The following PALM2AKAP2 variants were observed in gnomAD, a reference collection of about 807,000 sequenced individuals.
The protein encoded by PALM2AKAP2 is PALM2 and AKAP2 fusion.
A neutral mutation model predicts 71.5 loss-of-function variants in PALM2AKAP2; 37 were observed. That is an observed-to-expected ratio of 0.52 (90% CI 0.40 to 0.68). The LOEUF is 0.68. Among genes scored for constraint, PALM2AKAP2 ranks in the 30% least tolerant of loss-of-function variants. The pLI, the probability that PALM2AKAP2 is intolerant of heterozygous loss-of-function variation, is 0.00. For synonymous variants in PALM2AKAP2, 468 were observed against 478.8 expected, an observed-to-expected ratio of 0.98 and a Z score of 0.29; for missense variants, 1,224 against 1,191.8, an observed-to-expected ratio of 1.03 and a Z score of -0.40.
chr9:110,136,106 T>G, intron 1 of PALM2AKAP2, 21 bp from the exon 8 acceptor site: 1 of 1,538,856 alleles, frequency 6.5e-7, no homozygotes, highest in South Asian at 1.3e-5. Flanking sequence ...AACCCTGACT[T>G]TTGTTTACTC....
At chr9:109,661,833 T>C (rs1367051093) in intron 1 of PALM2AKAP2, among the ~76,000 whole-genome samples, 1 of 152,212 alleles carries the variant, frequency 6.6e-6, no homozygotes, top group Non-Finnish European at 1.5e-5. Context: ...GTGTCCTGTT[T>C]TATTTTGTTG....
At chr9:110,006,002 G>A (rs952235014) in intron 6 of PALM2AKAP2, among the ~76,000 whole-genome samples, 7 of 152,040 alleles carry the variant, frequency 4.6e-5, no homozygotes, top group African/African-American at 4.8e-5. Context: ...ACCCTGCTTC[G>A]GCTCATGCTT....
chr9:109,665,819 G>A (rs1272818731), intron 1 of PALM2AKAP2, among the ~76,000 whole-genome samples: 1 of 152,198 alleles, frequency 6.6e-6, no homozygotes, highest in East Asian at 1.9e-4. Flanking sequence ...GAGACAGTAG[G>A]CCTTGTTGAG....
intron 6 of PALM2AKAP2, among the ~76,000 whole-genome samples, chr9:110,006,476 T>C (rs1446382306): frequency 1.3e-5 from 2 of 152,048 alleles, no homozygotes; most frequent in African/African-American, 2.4e-5. Context: ...TGCCTCAGCC[T>C]CCCAAGTAGC....
At chr9:109,661,087 C>T (rs1419202717) in intron 1 of PALM2AKAP2, among the ~76,000 whole-genome samples, 1 of 152,134 alleles carries the variant, frequency 6.6e-6, no homozygotes, top group Non-Finnish European at 1.5e-5. Context: ...GGGTAGATTG[C>T]AAAAATTTTC....
At chr9:110,165,481 T>A (rs1437970821) in intron 3 of PALM2AKAP2, among the ~76,000 whole-genome samples, 1 of 152,190 alleles carries the variant, frequency 6.6e-6, no homozygotes, top group Non-Finnish European at 1.5e-5. Flanking sequence ...TGCCAGGTAT[T>A]TCAGTAAGGA....
chr9:109,943,537 C>A, intron 6 of PALM2AKAP2: 1 of 1,417,324 alleles, frequency 7.1e-7, no homozygotes, highest in Non-Finnish European at 9.4e-7. Flanking sequence ...ACCTGCCTTG[C>A]CTTGCAGTTG....
At chr9:110,136,322 T>G in exon 2 of PALM2AKAP2, 1 of 1,614,164 alleles carries the variant, frequency 6.2e-7, no homozygotes, top group Non-Finnish European at 8.5e-7. Flanking sequence ...TCCCTCCGCT[T>G]TCTATTCACC....
At chr9:110,015,156 A>G (rs1832956321) in intron 6 of PALM2AKAP2, among the ~76,000 whole-genome samples, 3 of 152,170 alleles carry the variant, frequency 2.0e-5, no homozygotes, top group Non-Finnish European at 4.4e-5. Context: ...ACACATTCTT[A>G]GTTATTTCCA....
chr9:109,706,101 C>T (rs1466176887), intron 1 of PALM2AKAP2, among the ~76,000 whole-genome samples: 3 of 152,244 alleles, frequency 2.0e-5, no homozygotes, highest in African/African-American at 2.4e-5. Flanking sequence ...GAGATAGAAA[C>T]ATTTAACTGG....
exon 2 of PALM2AKAP2, chr9:110,138,364 C>A (rs746539180): frequency 8.1e-6 from 13 of 1,614,194 alleles, no homozygotes; most frequent in Non-Finnish European, 5.9e-6. Flanking sequence ...TTGGGCCTTT[C>A]AAGCTGAGGT....
At chr9:110,053,543 A>AAAAAAGAAAAAAAGAAAGAAAGAAAG (rs1833760053) in intron 1 of PALM2AKAP2, among the ~76,000 whole-genome samples, 1 of 150,726 alleles carries the variant, frequency 6.6e-6, no homozygotes, top group African/African-American at 2.4e-5. Flanking sequence ...AAAAAAAAAA[A>AAAAAAGAAAAAAAGAAAGAAAGAAAG]AAAAAGAAAA....
At chr9:109,728,143 T>C (rs1009418730) in intron 1 of PALM2AKAP2, among the ~76,000 whole-genome samples, 6 of 152,260 alleles carry the variant, frequency 3.9e-5, no homozygotes, top group African/African-American at 1.4e-4. Flanking sequence ...TCTTGCAGAT[T>C]GGATAGCTTA....
intron 6 of PALM2AKAP2, among the ~76,000 whole-genome samples, chr9:110,008,412 CA>C (rs1448334802): frequency 6.6e-6 from 1 of 150,662 alleles, no homozygotes; most frequent in Non-Finnish European, 1.5e-5. Flanking sequence ...CTCATCTCTA[CA>C]AAATTAATAA....
chr9:109,753,918 C>A (rs1828921004), intron 1 of PALM2AKAP2, among the ~76,000 whole-genome samples: 1 of 152,066 alleles, frequency 6.6e-6, no homozygotes, highest in African/African-American at 2.4e-5. Flanking sequence ...ACAGAAAAGA[C>A]TAAAGAAGAG....
In PALM2AKAP2 at chr9:109,971,427, G is replaced by T. The variant is rs867007410; in HGVS notation, c.496+39399G>T. Among the ~76,000 whole-genome samples the T allele has an allele frequency of 5.3e-5, 8 of 151,086 alleles. 1 individual carries two copies. The South Asian group carries it at 1.7e-3, about 32-fold the overall frequency. On this transcript the variant is annotated intron_variant, in intron 6 of 9. Transcript: ENST00000302798. ...TGCCCCACACATTCAAGAAAGACTT[G>T]AATTGCCTCTCAGGTCTGAACCTGT...
chr9:110,048,450 C>T (rs942834922), upstream of PALM2AKAP2: 1 of 505,806 alleles, frequency 2.0e-6, no homozygotes. Context: ...TTGCCCGCCC[C>T]ATCCATCCCT....
intron 1 of PALM2AKAP2, among the ~76,000 whole-genome samples, chr9:109,755,686 C>G (rs537050378): frequency 6.2e-4 from 94 of 151,862 alleles, no homozygotes; most frequent in Non-Finnish European, 9.9e-4. Context: ...TAAAATAGTC[C>G]CCAGCCCCCA....
chr9:109,943,004 A>G, intron 6 of PALM2AKAP2: 3 of 1,614,208 alleles, frequency 1.9e-6, no homozygotes, highest in Non-Finnish European at 1.7e-6. Flanking sequence ...CTCTGCAAAG[A>G]AGCTAAGTTA....
Sources: allele counts gnomAD v4.1 joint callset (sites outside exome capture counted in the v4.1 genomes callset), GRCh38; gene constraint gnomAD v4.1.1; transcripts MANE v1.5; gene names NCBI Gene and HGNC (gene_info 2026-07-23, HGNC 2026-07-21).